Variants in ENTPD5 observed in about 807,000 individuals in gnomAD.
ENTPD5 encodes the protein nucleoside diphosphate phosphatase ENTPD5.
A neutral mutation model predicts 60.2 loss-of-function variants in ENTPD5; 49 were observed. The observed-to-expected ratio is 0.81, with a 90% confidence interval of 0.65 to 1.03. ENTPD5 has a LOEUF of 1.03. Among genes scored for constraint, ENTPD5 ranks in the 50% least tolerant of loss-of-function variants. The pLI, the probability that ENTPD5 is intolerant of heterozygous loss-of-function variation, is 0.00. For synonymous variants in ENTPD5, 187 were observed against 185.4 expected (o/e 1.01, Z -0.07); for missense variants, 480 against 507.6 (o/e 0.95, Z 0.52).
At chr14:73,961,956 C>CT (rs996483757), downstream of ENTPD5, 28 of 1,599,364 alleles carry the variant, frequency 1.8e-5, no homozygotes, top group African/African-American at 9.4e-5. Context: ...ATTTCTTTTG[C>CT]TTTTTTTTGA....
chr14:73,975,140 G>A (rs1026727640), intron 10 of ENTPD5, among the ~76,000 whole-genome samples, 155 bp from the exon 11 acceptor site: 1 of 152,172 alleles, frequency 6.6e-6, no homozygotes, highest in Non-Finnish European at 1.5e-5. Context: ...TCAACAAGGG[G>A]TAATTTCTGC....
Position 73,976,018 on chromosome 14 carries a change from G to C in ENTPD5, c.643-3C>G. ...CTAGGAGTTTGTTCCAGAGTTTTCT[G>C]CAAATCAGAAAAAGCAAAAAGACTA... is the stretch of plus-strand genomic sequence containing the variant. On this transcript the variant is annotated splice_region_variant and splice_polypyrimidine_tract_variant and intron_variant, in intron 9 of 15. Coordinates refer to ENST00000334696, the MANE Select transcript of ENTPD5 (RefSeq NM_001249.5). 2 of 1,611,550 alleles carry C rather than the reference G, an allele frequency of 1.2e-6. No homozygotes were observed. The highest frequency in any genetic ancestry group is 1.7e-6 in the Non-Finnish European group (2 of 1,178,832).
chr14:74,009,795 T>G (rs945191413), intron 3 of ENTPD5, among the ~76,000 whole-genome samples: 2 of 149,652 alleles, frequency 1.3e-5, no homozygotes, highest in Non-Finnish European at 3.0e-5. Context: ...TGTTTTCGAT[T>G]TTTTTTTTTT....
At chr14:73,969,651 C>T (rs752375236) in intron 15 of ENTPD5, among the ~76,000 whole-genome samples, 9 of 152,066 alleles carry the variant, frequency 5.9e-5, no homozygotes, top group Non-Finnish European at 1.2e-4. Context: ...TTGCAGTGAG[C>T]TGAGATCATG....
intron 5 of ENTPD5, among the ~76,000 whole-genome samples, chr14:73,984,412 G>C (rs1362141207): frequency 2.0e-5 from 3 of 152,186 alleles, no homozygotes; most frequent in Non-Finnish European, 4.4e-5. Context: ...TACCACACAA[G>C]CTGTGGCAGT....
At chr14:73,961,014 T>G, downstream of ENTPD5, 1 of 824,896 alleles carries the variant, frequency 1.2e-6, no homozygotes, top group South Asian at 1.5e-5. Flanking sequence ...GATGAGAAGT[T>G]GCTTTGCACT....
At chr14:73,992,824 G>A (rs776062645) in intron 3 of ENTPD5, among the ~76,000 whole-genome samples, 26 of 151,866 alleles carry the variant, frequency 1.7e-4, no homozygotes, top group African/African-American at 5.1e-4. Flanking sequence ...GTAACAAGGC[G>A]AAACCCCGTC....
chr14:73,979,172 C>T (rs1312795937), intron 6 of ENTPD5, among the ~76,000 whole-genome samples: 3 of 152,116 alleles, frequency 2.0e-5, no homozygotes, highest in Admixed American at 6.6e-5. Flanking sequence ...CTTCTTCATC[C>T]CCCTAAGATC....
chr14:73,971,971 T>C, intron 13 of ENTPD5, 63 bp from the exon 14 acceptor site: 2 of 953,114 alleles, frequency 2.1e-6, no homozygotes, highest in Non-Finnish European at 3.5e-6. Flanking sequence ...AGGAAATTCA[T>C]TCATTCATTC....
chr14:73,989,642 T>A (rs2058053187), intron 3 of ENTPD5, among the ~76,000 whole-genome samples: 2 of 152,082 alleles, frequency 1.3e-5, no homozygotes, highest in Admixed American at 1.3e-4. Context: ...AAGACCAGCC[T>A]GGCCAACATG....
downstream of ENTPD5, chr14:73,958,580 C>T: frequency 7.7e-7 from 1 of 1,292,230 alleles, no homozygotes; most frequent in Non-Finnish European, 9.9e-7. Flanking sequence ...GGTCATTGAT[C>T]TCTTGCCTCT....
intron 2 of ENTPD5, among the ~76,000 whole-genome samples, chr14:74,015,018 T>G (rs937166070): frequency 3.3e-5 from 5 of 150,508 alleles, no homozygotes; most frequent in Non-Finnish European, 4.4e-5. Context: ...GGAGGCAGAG[T>G]TGAAGTGAGA....
chr14:73,960,338 G>T (rs2056657178), downstream of ENTPD5: 7 of 986,578 alleles, frequency 7.1e-6, no homozygotes, highest in Non-Finnish European at 8.4e-6. Context: ...CATTGTAGGT[G>T]CTCAACAAAT....
At chr14:74,013,531 T>C (rs2058911675) in intron 2 of ENTPD5, among the ~76,000 whole-genome samples, 1 of 152,216 alleles carries the variant, frequency 6.6e-6, no homozygotes, top group Admixed American at 6.5e-5. Flanking sequence ...TCATTAGTGT[T>C]AGTATATTTT....
chr14:74,013,577 T>C lies in ENTPD5; in HGVS notation c.-131+2247A>G, dbSNP rs118068196. On this transcript the variant is annotated intron_variant, in intron 2 of 15. Coordinates refer to ENST00000334696, the MANE Select transcript of ENTPD5 (RefSeq NM_001249.5). ...CAAGACAATTCTTCTTCTTCCAATG[T>C]AGCCCAAGGAAGCCAAAAGATTGAA... Among the ~76,000 whole-genome samples, 886 of 152,320 alleles carry C rather than the reference T, an allele frequency of 5.8e-3. 2 individuals are homozygous for C. The highest frequency in any genetic ancestry group is 0.011 in the Non-Finnish European group (715 of 68,020).
In ENTPD5 at chr14:73,975,594, G is replaced by A. The variant is rs372598029; in HGVS notation, c.722+342C>T. Among the ~76,000 whole-genome samples the A allele has an allele frequency of 2.0e-4, 30 of 152,068 alleles. 1 individual carries two copies. The South Asian group carries it at 5.8e-3, about 29-fold the overall frequency. ...TAATTTTTGTATTTTAGTAGAGACG[G>A]GGTTTCACCATGTTTGCCAGGCTGG... On this transcript the variant is annotated intron_variant, in intron 10 of 15. Coordinates refer to ENST00000334696, the MANE Select transcript of ENTPD5 (RefSeq NM_001249.5).
intron 1 of ENTPD5, among the ~76,000 whole-genome samples, chr14:74,016,208 G>C (rs2059013269): frequency 6.6e-6 from 1 of 152,124 alleles, no homozygotes; most frequent in African/African-American, 2.4e-5. Context: ...AAAATGAGGG[G>C]ATTCAGAAGA....
chr14:73,986,995 C>G, intron 4 of ENTPD5, 102 bp from the exon 5 acceptor site: 1 of 852,684 alleles, frequency 1.2e-6, no homozygotes, highest in Non-Finnish European at 2.0e-6. Context: ...TATGACTTCC[C>G]TGAAGTTATC....
Position 73,966,272 on chromosome 14 carries a change from A to G in ENTPD5, c.*656T>C, listed in dbSNP as rs748210820. The G allele has an allele frequency of 6.6e-6, 1 of 152,246 alleles. No homozygotes were observed. Among genetic ancestry groups the G allele is most frequent in the Non-Finnish European group, 1.5e-5 (1 of 68,048 alleles). 9.4% of individuals were successfully genotyped at this position (152,246 alleles called of 1,614,324 possible). On this transcript the variant is annotated 3_prime_UTR_variant, in exon 16 of 16. Coordinates refer to ENST00000334696, the MANE Select transcript of ENTPD5 (RefSeq NM_001249.5). ...TATATGAGGCAGCCACACCCTCCCA[A>G]AACATGTCCCCAGAGACCGGGTGGC...
Sources: allele counts gnomAD v4.1 joint callset (sites outside exome capture counted in the v4.1 genomes callset), GRCh38; gene constraint gnomAD v4.1.1; transcripts MANE v1.5; gene names NCBI Gene and HGNC (gene_info 2026-07-23, HGNC 2026-07-21).